TCAIM: variants seen among roughly 807,000 people sequenced by gnomAD.
TCAIM encodes T-cell activation inhibitor, mitochondrial.
TCAIM carries 36 observed loss-of-function variants against 58.6 expected under a neutral mutation model. The ratio of observed to expected loss-of-function variants is 0.61; its 90% confidence interval spans 0.47 to 0.81. The LOEUF (loss-of-function observed/expected upper bound fraction) is 0.81. Among genes scored for constraint, TCAIM ranks in the 30% least tolerant of loss-of-function variants. TCAIM has a pLI of 0.00. For missense variants in TCAIM, 466 were observed against 579.6 expected (o/e 0.80, Z 2.01); for synonymous variants, 172 against 193.6 (o/e 0.89, Z 0.93).
At position 44,400,496 on chromosome 3, in the gene TCAIM, T is replaced by A; in HGVS notation, c.1027T>A (p.Ser343Thr). 6.2e-7 allele frequency: 1 copy of A among 1,613,610 alleles called. No individual in the cohort carries two copies. The change falls in exon 9 of 11, where the codon TCT (serine) becomes ACT (threonine). Residue 343 changes from serine to threonine, a missense_variant. Transcript: ENST00000342649. Reference sequence around the variant, plus strand: ...AGTATTGACACTTGAAGAATATTACTCTCTTCTTGATGTGTTTTATAATAG... The same window carrying A: ...AGTATTGACACTTGAAGAATATTACACTCTTCTTGATGTGTTTTATAATAG... The part of the protein sequence containing the change: ...QPVLTLEEYY[S>T]LLDVFYNRLL...
Position 44,407,560 on chromosome 3 carries a change from C to T in TCAIM, c.1369C>T (p.Leu457=). The T allele has an allele frequency of 6.2e-7, 1 of 1,613,984 alleles. No individual in the cohort carries two copies. The highest frequency in any genetic ancestry group is 2.2e-5 in the East Asian group (1 of 44,836). The change falls in exon 11 of 11, where the codon CTA becomes TTA. Residue 457 remains leucine (L), a synonymous_variant. Coordinates refer to ENST00000342649, the MANE Select transcript of TCAIM (RefSeq NM_173826.4). ...IQMVDCCKRL[L]EQSLPYLHGM... ...AATGGTGGATTGTTGTAAGAGACTT[C>T]TAGAACAATCACTGCCTTACCTACA...
At position 44,367,528 on chromosome 3, in the gene TCAIM, G is replaced by A; in HGVS notation, c.392G>A (p.Cys131Tyr). ...LSTVLYILNS[C>Y]SLSVEHIQSL... is the part of the protein sequence containing the mutation. ...ACAGTGTTATATATTCTCAACTCCT[G>A]CAGTTTATCTGTTGAACATATCCAA... The change falls in exon 5 of 11, where the codon TGC becomes TAC. Residue 131 changes from cysteine (C) to tyrosine (Y), a missense_variant. Transcript: ENST00000342649. 6.2e-7 allele frequency: 1 copy of A among 1,614,032 alleles called. No homozygotes were observed.
At chr3:44,357,953 T>A in intron 3 of TCAIM, 77 bp downstream of exon 3, 1 of 1,511,272 alleles carries the variant, frequency 6.6e-7, no homozygotes, top group Non-Finnish European at 8.9e-7. Flanking sequence ...ATACATAGAG[T>A]TCTATAAATG....
intron 1 of TCAIM, chr3:44,340,516 G>A (rs1417997659): frequency 2.0e-5 from 3 of 152,112 alleles, no homozygotes; most frequent in African/African-American, 4.8e-5. Flanking sequence ...AGGAAACAAA[G>A]AACTAATTCA....
At chr3:44,349,413 G>A (rs1701039515) in intron 1 of TCAIM, among the ~76,000 whole-genome samples, 1 of 152,178 alleles carries the variant, frequency 6.6e-6, no homozygotes, top group South Asian at 2.1e-4. Context: ...TTAGGTGTGA[G>A]TTGAAGAGGT....
intron 6 of TCAIM, among the ~76,000 whole-genome samples, chr3:44,394,950 A>ATATG (rs1553663626): frequency 4.6e-5 from 5 of 108,300 alleles, no homozygotes; most frequent in Non-Finnish European, 9.2e-5. Flanking sequence ...ATATATATAT[A>ATATG]TATATATATG....
intron 5 of TCAIM, among the ~76,000 whole-genome samples, chr3:44,368,940 T>C (rs1255694320): frequency 6.6e-6 from 1 of 152,140 alleles, no homozygotes; most frequent in Non-Finnish European, 1.5e-5. Context: ...GGAAGATCCC[T>C]TGAGCACAGG....
At chr3:44,373,404 G>A (rs947894061) in intron 5 of TCAIM, among the ~76,000 whole-genome samples, 4 of 151,888 alleles carry the variant, frequency 2.6e-5, no homozygotes, top group East Asian at 1.9e-4. Context: ...GGTGGGTCAC[G>A]CCTATAATCT....
intron 5 of TCAIM, among the ~76,000 whole-genome samples, chr3:44,391,571 C>T (rs1422236267): frequency 2.0e-5 from 3 of 152,140 alleles, no homozygotes; most frequent in Non-Finnish European, 2.9e-5. Flanking sequence ...GAACATCTTT[C>T]TGCTGAGCTT....
rs1374357559 is a variant in TCAIM, at chr3:44,392,940, G to C, written c.658G>C (p.Asp220His). Residue 220 changes from aspartate (D) to histidine (H), a missense_variant, in exon 6 of 11, where the codon GAT becomes CAT. By Grantham distance (81) the Asp-to-His change is moderately conservative. Coordinates refer to ENST00000342649, the MANE Select transcript of TCAIM (RefSeq NM_173826.4). ...TAGAAAAGAACTAGATCGTTTAAAA[G>C]ATGAACTGTCTCATCAATTGCAACT... ...PLRKELDRLK[D>H]ELSHQLQLSD... 6 of 1,613,310 alleles carry C rather than the reference G, an allele frequency of 3.7e-6. No homozygotes were observed. Among genetic ancestry groups the C allele is most frequent in the Admixed American group, 1.7e-5 (1 of 59,942 alleles).
intron 1 of TCAIM, among the ~76,000 whole-genome samples, chr3:44,344,619 G>A (rs1038619423): frequency 3.3e-5 from 5 of 152,022 alleles, no homozygotes; most frequent in Non-Finnish European, 7.4e-5. Context: ...TTTGATCAGA[G>A]GACAGGACTT....
intron 5 of TCAIM, among the ~76,000 whole-genome samples, chr3:44,372,809 T>C (rs777341364): frequency 1.1e-4 from 16 of 152,126 alleles, no homozygotes; most frequent in Non-Finnish European, 1.8e-4. Flanking sequence ...TTAGCCAGGA[T>C]GGTCTTGATC....
chr3:44,386,219 A>AAC (rs1300964410), intron 5 of TCAIM, among the ~76,000 whole-genome samples: 7 of 151,460 alleles, frequency 4.6e-5, no homozygotes, highest in Non-Finnish European at 7.4e-5. Flanking sequence ...CAAAAAAAAA[A>AAC]AAAAAAAAAA....
At chr3:44,365,608 A>G (rs1701361750) in intron 4 of TCAIM, among the ~76,000 whole-genome samples, 1 of 152,132 alleles carries the variant, frequency 6.6e-6, no homozygotes, top group Admixed American at 6.5e-5. Flanking sequence ...GATTACAGGC[A>G]TGAACCACTG....
intron 3 of TCAIM, chr3:44,358,296 C>T (rs772892356): frequency 1.0e-6 from 1 of 954,198 alleles, no homozygotes; most frequent in Non-Finnish European, 1.7e-6. Context: ...CCTACAACAT[C>T]AGTTAATGTG....
rs1324754329 is a variant in TCAIM at position 44,400,441 on chromosome 3, A to G, written c.972A>G (p.Ile324Met). Residue 324 changes from isoleucine (I) to methionine (M), a missense_variant, in exon 9 of 11, where the codon ATA becomes ATG. Transcript: ENST00000342649. ...AAATAAGCTATCTTTTAGGTGGCAT[A>G]CAAGTTGTTTATATTGAAGAATTAC... ...EDQISYLLGG[I>M]QVVYIEELQP... 6.2e-7 allele frequency: 1 copy of G among 1,613,746 alleles called. No individual in the cohort carries two copies. The highest frequency in any genetic ancestry group is 8.5e-7 in the Non-Finnish European group (1 of 1,179,896).
intron 2 of TCAIM, among the ~76,000 whole-genome samples, chr3:44,356,200 AG>A (rs1292274937): frequency 1.2e-4 from 19 of 152,368 alleles, no homozygotes; most frequent in African/African-American, 4.6e-4. Context: ...TGAGAACAAA[AG>A]CATGTGCAAT....
intron 6 of TCAIM, among the ~76,000 whole-genome samples, chr3:44,395,147 A>AT (rs1169271774): frequency 6.6e-6 from 1 of 151,340 alleles, no homozygotes; most frequent in Non-Finnish European, 1.5e-5. Context: ...ATAAAACACC[A>AT]TTTTTAACAA....
chr3:44,370,908 A>ATTT (rs56982688), intron 5 of TCAIM, among the ~76,000 whole-genome samples: 3 of 123,272 alleles, frequency 2.4e-5, no homozygotes, highest in Admixed American at 8.6e-5. Flanking sequence ...TACCTGGCTA[A>ATTT]TTTTTTTTTT....
Sources: gnomAD v4.1 joint callset for allele counts (sites outside exome capture counted in the v4.1 genomes callset) on GRCh38, gnomAD v4.1.1 for gene constraint, MANE v1.5 for transcripts, NCBI Gene and HGNC (gene_info 2026-07-23, HGNC 2026-07-21) for gene names.